Variants in XPO4 observed in about 807,000 individuals in gnomAD.
The protein encoded by XPO4 is exportin-4.
Under a neutral mutation model 143.0 loss-of-function variants are expected in XPO4, and 39 were observed. The ratio of observed to expected loss-of-function variants is 0.27; its 90% CI spans 0.21 to 0.36. The LOEUF (loss-of-function observed/expected upper bound fraction) is 0.36. Ranked by LOEUF, XPO4 falls within the 10% of genes least tolerant of loss-of-function variation. The probability of loss-of-function intolerance (pLI) is 1.00; values close to 1 mark genes in which losing one functional copy is unlikely to be tolerated. For synonymous variants in XPO4, 439 were observed against 474.0 expected (o/e 0.93, Z 0.96); for missense variants, 907 against 1,348.0 (o/e 0.67, Z 5.12).
At chr13:20,871,341 A>ACAGAGTGT (rs1365173369) in intron 1 of XPO4, among the ~76,000 whole-genome samples, 3 of 152,194 alleles carry the variant, frequency 2.0e-5, no homozygotes, top group Admixed American at 6.5e-5. Context: ...GTTTTTTAAA[A>ACAGAGTGT]CAGAGTGTCA....
In XPO4 at chr13:20,789,079, T is replaced by C. The variant is rs529335506; in HGVS notation, c.2917-463A>G. Among the ~76,000 whole-genome samples, 401 of 152,362 alleles carry C rather than the reference T, an allele frequency of 2.6e-3. 2 individuals carry two copies. The highest frequency in any genetic ancestry group is 9.3e-3 in the African/African-American group (388 of 41,590). ...TACACTTCCAAAAACATTTTTCCAG[T>C]TGTACTATCCTAGAGAACTGAGGTA... is the stretch of plus-strand genomic sequence containing the variant. On this transcript the variant is annotated intron_variant, in intron 19 of 22. Coordinates refer to ENST00000255305, the MANE Select transcript of XPO4 (RefSeq NM_022459.5).
chr13:20,808,420 G>C lies in XPO4; in HGVS notation c.1639+16C>G, dbSNP rs770213411. On this transcript the variant is annotated intron_variant, in intron 12 of 22. Coordinates refer to ENST00000255305, the MANE Select transcript of XPO4 (RefSeq NM_022459.5). ...TCAGTTGGCAATTACATTTTAAAAA[G>C]AAACCACCAACCAACCTGTAACTAA... 1.3e-6 allele frequency: 2 copies of C among 1,500,646 alleles called. No individual in the cohort carries two copies. The highest frequency in any genetic ancestry group is 1.8e-6 in the Non-Finnish European group (2 of 1,107,436). 93.0% of individuals were successfully genotyped at this position (1,500,646 alleles called of 1,614,324 possible).
In XPO4 at chr13:20,807,508, C is replaced by A. The variant is rs2059523236; in HGVS notation, c.1766G>T (p.Gly589Val). 1 of 1,613,558 alleles carries A rather than the reference C, an allele frequency of 6.2e-7. No homozygotes were observed. The highest frequency in any genetic ancestry group is 1.7e-5 in the Admixed American group (1 of 59,958). Residue 589 changes from glycine (G) to valine (V), a missense_variant, in exon 13 of 23, where the codon GGA (glycine) becomes GTA (valine). Coordinates refer to ENST00000255305, the MANE Select transcript of XPO4 (RefSeq NM_022459.5). ...NTTLQILGSPGEKASSIPGYN... is the reference protein window; with the variant it reads ...NTTLQILGSPVEKASSIPGYN... ...CCCTGGGATGGAAGAAGCCTTTTCT[C>A]CTGGAGATCCCAAAATTTGAAGTGT...
At chr13:20,833,296 G>T (rs11842994) in intron 6 of XPO4, among the ~76,000 whole-genome samples, 1,935 of 152,198 alleles carry the variant, frequency 0.013, 50 homozygotes, top group African/African-American at 0.045. Flanking sequence ...ACGGAGCTTC[G>T]CGCAGTAGGT....
intron 1 of XPO4, among the ~76,000 whole-genome samples, chr13:20,898,979 G>C (rs1162117749): frequency 1.3e-5 from 2 of 152,068 alleles, no homozygotes; most frequent in Non-Finnish European, 2.9e-5. Context: ...ACCAGCCTGG[G>C]CAACACAGTG....
chr13:20,838,097 T>C (rs991087650), intron 6 of XPO4, among the ~76,000 whole-genome samples: 10 of 152,202 alleles, frequency 6.6e-5, no homozygotes, highest in African/African-American at 2.4e-4. Context: ...ATTTCATTAA[T>C]GAAACTTTGC....
rs780442952 is a variant in XPO4, at chr13:20,787,022, G to A, written c.3201C>T (p.Asn1067=). ...CGCCAGCCGCAGTGGTCATCTCTGT[G>A]TTGTGCTTTTGCAAAACCAGCATAT... The part of the protein sequence containing the change: ...VFDMLVLQKH[N]TEMTTAAGEA... The change falls in exon 22 of 23, where the codon AAC becomes AAT. Residue 1067 remains asparagine, a synonymous_variant. Transcript: ENST00000255305. The A allele has an allele frequency of 1.3e-6, 2 of 1,567,540 alleles. No individual in the cohort carries two copies. Among genetic ancestry groups the A allele is most frequent in the Non-Finnish European group, 1.7e-6 (2 of 1,153,272 alleles).
At chr13:20,866,096 A>G (rs1369697201) in intron 2 of XPO4, 2 of 985,328 alleles carry the variant, frequency 2.0e-6, no homozygotes, top group Admixed American at 6.1e-5. Flanking sequence ...TTCTTTAACA[A>G]GAACAGAACT....
chr13:20,838,626 A>AG (rs1566598055), intron 6 of XPO4, among the ~76,000 whole-genome samples: 1 of 151,214 alleles, frequency 6.6e-6, no homozygotes, highest in Non-Finnish European at 1.5e-5. Flanking sequence ...AAAAAAAAAA[A>AG]AAAGAAAGAA....
At chr13:20,810,002 A>G (rs2059556858) in intron 9 of XPO4, 35 bp from the exon 10 acceptor site, 1 of 1,541,714 alleles carries the variant, frequency 6.5e-7, no homozygotes, top group East Asian at 2.3e-5. Context: ...ACAAATGTCC[A>G]GAGAACGACA....
intron 17 of XPO4, among the ~76,000 whole-genome samples, chr13:20,796,477 C>G (rs2059359759): frequency 6.6e-6 from 1 of 151,572 alleles, no homozygotes; most frequent in South Asian, 2.1e-4. Context: ...AATTTATATT[C>G]AGGTGCAGCA....
chr13:20,887,157 A>G (rs7330960), intron 1 of XPO4, among the ~76,000 whole-genome samples: 1 of 152,232 alleles, frequency 6.6e-6, no homozygotes, highest in African/African-American at 2.4e-5. Flanking sequence ...TTTCTTCAAG[A>G]GACTACAAAA....
At chr13:20,798,576 C>G (rs944128025) in intron 16 of XPO4, among the ~76,000 whole-genome samples, 2 of 152,116 alleles carry the variant, frequency 1.3e-5, no homozygotes, top group African/African-American at 2.4e-5. Flanking sequence ...TCCATGCTCT[C>G]GACTGAGTTG....
At chr13:20,828,041 C>T (rs1180558008) in intron 6 of XPO4, among the ~76,000 whole-genome samples, 1 of 152,136 alleles carries the variant, frequency 6.6e-6, no homozygotes, top group Non-Finnish European at 1.5e-5. Context: ...AGTTCGAGAC[C>T]AGCCTGGCCA....
intron 1 of XPO4, among the ~76,000 whole-genome samples, chr13:20,900,738 A>G (rs1328786739): frequency 6.6e-6 from 1 of 151,624 alleles, no homozygotes; most frequent in East Asian, 2.0e-4. Flanking sequence ...TCGCCTCCAG[A>G]GTAGCTGAGA....
chr13:20,858,899 AAT>A (rs199558546), intron 3 of XPO4, among the ~76,000 whole-genome samples: 21 of 84,792 alleles, frequency 2.5e-4, no homozygotes, highest in South Asian at 5.0e-4. Flanking sequence ...AAAAAATTAA[AAT>A]ATATATATAT....
intron 4 of XPO4, chr13:20,851,946 A>G (rs1397351027): frequency 1.2e-5 from 12 of 985,164 alleles, no homozygotes; most frequent in Non-Finnish European, 1.4e-5. Context: ...TTGCAGTGGG[A>G]CTAGTTTTTG....
At chr13:20,807,370 C>T in intron 13 of XPO4, 87 bp downstream of exon 13, 1 of 1,299,300 alleles carries the variant, frequency 7.7e-7, no homozygotes, top group Non-Finnish European at 1.1e-6. Context: ...TTACAACGTG[C>T]CTATCACTCC....
intron 6 of XPO4, among the ~76,000 whole-genome samples, chr13:20,829,796 A>G (rs988181766): frequency 1.3e-5 from 2 of 152,204 alleles, no homozygotes; most frequent in Non-Finnish European, 2.9e-5. Flanking sequence ...TAAGAGGGAG[A>G]TGATAAGCTA....
Sources: allele counts gnomAD v4.1 joint callset (sites outside exome capture counted in the v4.1 genomes callset), GRCh38; gene constraint gnomAD v4.1.1; transcripts MANE v1.5; gene names NCBI Gene and HGNC (gene_info 2026-07-23, HGNC 2026-07-21).